The following SGCG variants were observed in gnomAD, a reference collection of about 807,000 sequenced individuals.
SGCG encodes gamma-sarcoglycan.
A neutral mutation model predicts 29.3 loss-of-function variants in SGCG; 26 were observed. The observed-to-expected ratio is 0.89, with a 90% confidence interval of 0.65 to 1.23. The LOEUF (loss-of-function observed/expected upper bound fraction) is 1.23. Among genes scored for constraint, SGCG ranks in the 50% most tolerant of loss-of-function variants. The pLI, the probability that SGCG is intolerant of heterozygous loss-of-function variation, is 0.00. For synonymous variants in SGCG, 145 were observed against 129.7 expected (o/e 1.12, Z -0.80); for missense variants, 353 against 356.0 (o/e 0.99, Z 0.07).
At chr13:23,290,860 A>G (rs996766981) in intron 5 of SGCG, among the ~76,000 whole-genome samples, 2 of 152,230 alleles carry the variant, frequency 1.3e-5, no homozygotes, top group African/African-American at 4.8e-5. Context: ...ACCTAGAAAC[A>G]GCAGTATGTT....
chr13:23,264,309 CAAG>C (rs1488034350), intron 4 of SGCG, among the ~76,000 whole-genome samples: 1 of 151,378 alleles, frequency 6.6e-6, no homozygotes, highest in African/African-American at 2.4e-5. Flanking sequence ...AGAATCCAAT[CAAG>C]AAGTCAATTC....
At chr13:23,269,769 A>G (rs1880787160) in intron 4 of SGCG, among the ~76,000 whole-genome samples, 1 of 151,172 alleles carries the variant, frequency 6.6e-6, no homozygotes. Context: ...ACCCATATAT[A>G]TGAACATTTA....
chr13:23,287,435 C>G (rs1881535069), intron 5 of SGCG, among the ~76,000 whole-genome samples: 1 of 152,162 alleles, frequency 6.6e-6, no homozygotes, highest in Non-Finnish European at 1.5e-5. Flanking sequence ...CTGCATGACA[C>G]AGAAGGTAGA....
At chr13:23,258,346 T>C (rs1249520225) in intron 4 of SGCG, among the ~76,000 whole-genome samples, 1 of 152,072 alleles carries the variant, frequency 6.6e-6, no homozygotes, top group Non-Finnish European at 1.5e-5. Context: ...TGGCTCTCTG[T>C]TTGTGTGTTA....
At chr13:23,194,961 C>G (rs535165681) in intron 1 of SGCG, among the ~76,000 whole-genome samples, 8 of 152,334 alleles carry the variant, frequency 5.3e-5, no homozygotes, top group African/African-American at 1.7e-4. Context: ...GAGCTTCCAA[C>G]AGTTCCTCCA....
At chr13:23,279,235 A>T in intron 4 of SGCG, 124 bp from the exon 5 acceptor site, 1 of 852,752 alleles carries the variant, frequency 1.2e-6, no homozygotes, top group Non-Finnish European at 1.9e-6. Flanking sequence ...CAATACCACT[A>T]ATGGTAACAA....
intron 5 of SGCG, among the ~76,000 whole-genome samples, chr13:23,286,754 A>G (rs1881512663): frequency 6.6e-6 from 1 of 152,132 alleles, no homozygotes; most frequent in Non-Finnish European, 1.5e-5. Context: ...TCTCTGTCTC[A>G]GAATATCTTA....
intron 4 of SGCG, among the ~76,000 whole-genome samples, chr13:23,261,678 A>G (rs1397313679): frequency 6.6e-6 from 1 of 152,068 alleles, no homozygotes; most frequent in African/African-American, 2.4e-5. Context: ...ACTCATTGCA[A>G]AAAGGACATC....
At chr13:23,189,902 C>G (rs1016143747) in intron 1 of SGCG, among the ~76,000 whole-genome samples, 3 of 152,176 alleles carry the variant, frequency 2.0e-5, no homozygotes, top group Non-Finnish European at 4.4e-5. Flanking sequence ...AGGCTCAGAG[C>G]TGCACAAAGT....
intron 2 of SGCG, among the ~76,000 whole-genome samples, chr13:23,215,966 G>T (rs1878410368): frequency 6.6e-6 from 1 of 151,410 alleles, no homozygotes; most frequent in Admixed American, 6.6e-5. Context: ...GAATTTCAAA[G>T]ATGACAGTAC....
At chr13:23,179,877 C>T (rs1480824624), upstream of SGCG, among the ~76,000 whole-genome samples, 9 of 151,952 alleles carry the variant, frequency 5.9e-5, no homozygotes, top group South Asian at 1.5e-3. Flanking sequence ...TCCTTTTTTT[C>T]TTCATTTTTT....
intron 5 of SGCG, among the ~76,000 whole-genome samples, chr13:23,287,233 G>A (rs751140336): frequency 5.9e-5 from 9 of 152,226 alleles, no homozygotes; most frequent in Non-Finnish European, 1.2e-4. Context: ...CTGGCTGGTA[G>A]TAGAGGGGGA....
intron 3 of SGCG, chr13:23,244,851 G>A (rs1199292872): frequency 2.0e-5 from 3 of 152,284 alleles, no homozygotes; most frequent in Middle Eastern, 3.4e-3. Flanking sequence ...AAACATTCCT[G>A]AGGCGCCGGA....
At chr13:23,309,309 G>C (rs1278726449) in intron 6 of SGCG, among the ~76,000 whole-genome samples, 1 of 152,052 alleles carries the variant, frequency 6.6e-6, no homozygotes, top group Non-Finnish European at 1.5e-5. Context: ...GGCTGGCCTT[G>C]AACTCCTGGG....
upstream of SGCG, among the ~76,000 whole-genome samples, chr13:23,179,110 C>T (rs1049416199): frequency 2.6e-5 from 4 of 152,170 alleles, no homozygotes; most frequent in Non-Finnish European, 5.9e-5. Context: ...TATTTTACAC[C>T]TAAATGACTG....
At chr13:23,220,494 T>C (rs944779932) in intron 2 of SGCG, among the ~76,000 whole-genome samples, 8 of 152,164 alleles carry the variant, frequency 5.3e-5, no homozygotes, top group Non-Finnish European at 1.2e-4. Context: ...AAGAATATAT[T>C]TTTGACTTTT....
upstream of SGCG, among the ~76,000 whole-genome samples, chr13:23,179,432 T>C (rs528508936): frequency 2.0e-5 from 3 of 152,322 alleles, no homozygotes; most frequent in African/African-American, 7.2e-5. Context: ...ACAAAACCAA[T>C]TTACGATTGA....
chr13:23,261,427 G>A (rs1331015526), intron 4 of SGCG, among the ~76,000 whole-genome samples: 2 of 151,910 alleles, frequency 1.3e-5, no homozygotes, highest in Non-Finnish European at 2.9e-5. Context: ...TCGAAGACAA[G>A]TCTTTTGAAT....
At chr13:23,233,683 T>G (rs185962530) in intron 2 of SGCG, among the ~76,000 whole-genome samples, 2 of 152,294 alleles carry the variant, frequency 1.3e-5, no homozygotes, top group Non-Finnish European at 2.9e-5. Context: ...GTAAAATGTA[T>G]GTAACATATT....
Sources: gnomAD v4.1 joint callset for allele counts (sites outside exome capture counted in the v4.1 genomes callset) on GRCh38, gnomAD v4.1.1 for gene constraint, MANE v1.5 for transcripts, NCBI Gene and HGNC (gene_info 2026-07-23, HGNC 2026-07-21) for gene names.